The following ATP10A variants were observed in gnomAD, a reference collection of about 807,000 sequenced individuals.
ATP10A encodes the protein ATPase phospholipid transporting 10A (putative), also known as phospholipid-transporting ATPase VA.
In ATP10A, 111 loss-of-function variants were observed where a neutral mutation model predicts 147.8. The ratio of observed to expected loss-of-function variants is 0.75; its 90% CI spans 0.64 to 0.88. The LOEUF (loss-of-function observed/expected upper bound fraction) is 0.88, where lower values mean the gene tolerates loss of function less well. Among genes scored for constraint, ATP10A ranks in the 40% least tolerant of loss-of-function variants. The pLI is 0.00. For missense variants in ATP10A, 1,927 were observed against 1,959.0 expected, an observed-to-expected ratio of 0.98 and a Z score of 0.31; for synonymous variants, 875 against 841.6, an observed-to-expected ratio of 1.04 and a Z score of -0.69.
intron 2 of ATP10A, among the ~76,000 whole-genome samples, chr15:25,777,397 C>G (rs891085218): frequency 1.3e-5 from 2 of 152,224 alleles, no homozygotes; most frequent in Admixed American, 6.5e-5. Context: ...ATGCTTGGCA[C>G]CTCCCTGGCA....
At chr15:25,728,376 T>C (rs114065365) in intron 3 of ATP10A, among the ~76,000 whole-genome samples, 3 of 152,158 alleles carry the variant, frequency 2.0e-5, no homozygotes, top group Admixed American at 1.3e-4. Flanking sequence ...GCAGACACAG[T>C]GGGGCCACTC....
Position 25,863,258 on chromosome 15 carries a change from C to A in ATP10A, c.-162G>T. ...CGCCGCCTGGCCGGCCCAGCGCGCC[C>A]AGCCCGCGCCCAGCCCCGTCCACTC... is the stretch of plus-strand genomic sequence containing the variant. On this transcript the variant is annotated 5_prime_UTR_variant, in exon 1 of 21. Transcript: ENST00000555815. 1 of 313,854 alleles carries A rather than the reference C, an allele frequency of 3.2e-6. No homozygotes were observed. The highest frequency in any genetic ancestry group is 4.7e-6 in the Non-Finnish European group (1 of 211,054). The allele number at this position is 313,854 out of a possible 1,614,324, so 19.4% of individuals were successfully genotyped here.
chr15:25,718,350 C>A lies in ATP10A; in HGVS notation c.1413G>T (p.Val471=). 6.2e-7 allele frequency: 1 copy of A among 1,609,924 alleles called. No homozygotes were observed. The highest frequency in any genetic ancestry group is 8.5e-7 in the Non-Finnish European group (1 of 1,179,426). Residue 471 remains valine, a synonymous_variant, in exon 8 of 21, where the codon GTG becomes GTT. Transcript: ENST00000555815. The part of the protein sequence containing the change: ...YQEADSEEEE[V]VPRGGSVSQR... Reference sequence around the variant, plus strand: ...GGGACACCGAGCCCCCTCTGGGCACCACCTCCTCCTCCTCCGAGTCTGCCT... The same window carrying A: ...GGGACACCGAGCCCCCTCTGGGCACAACCTCCTCCTCCTCCGAGTCTGCCT...
chr15:25,812,643 A>G (rs1003870964), intron 1 of ATP10A, among the ~76,000 whole-genome samples: 5 of 152,142 alleles, frequency 3.3e-5, no homozygotes, highest in African/African-American at 7.2e-5. Flanking sequence ...AAAACAAGCT[A>G]TTTTTGTTGT....
intron 2 of ATP10A, among the ~76,000 whole-genome samples, chr15:25,752,437 C>T (rs570265986): frequency 1.3e-5 from 2 of 152,272 alleles, no homozygotes; most frequent in South Asian, 4.1e-4. Context: ...TATGTGGAAT[C>T]TAAAGCAACC....
chr15:25,721,644 C>A lies in ATP10A; in HGVS notation c.1363+13G>T, dbSNP rs373248521. On this transcript the variant is annotated intron_variant, in intron 7 of 20. Coordinates refer to ENST00000555815, the MANE Select transcript of ATP10A (RefSeq NM_024490.4). ...TTCAGCCTGGGTTGGGAGCCCCGCA[C>A]CCCCAGACTCACCATTTGCATCATG... 14 of 1,609,264 alleles carry A rather than the reference C, an allele frequency of 8.7e-6. No individual in the cohort carries two copies. Among genetic ancestry groups the A allele is most frequent in the African/African-American group, 4.0e-5 (3 of 74,796 alleles).
At chr15:25,786,306 C>T (rs573999452) in intron 1 of ATP10A, among the ~76,000 whole-genome samples, 5 of 152,274 alleles carry the variant, frequency 3.3e-5, no homozygotes, top group East Asian at 3.9e-4. Flanking sequence ...CTCCCACGGC[C>T]GAGTGAACAC....
At chr15:25,764,899 G>A (rs1209142671) in intron 2 of ATP10A, among the ~76,000 whole-genome samples, 1 of 152,184 alleles carries the variant, frequency 6.6e-6, no homozygotes, top group East Asian at 1.9e-4. Context: ...CCATGACTGG[G>A]TTCAGGAAAT....
chr15:25,752,734 C>A (rs139275162), intron 2 of ATP10A, among the ~76,000 whole-genome samples: 46 of 152,264 alleles, frequency 3.0e-4, no homozygotes, highest in Non-Finnish European at 6.3e-4. Flanking sequence ...CGCATTGTAT[C>A]AGTAGACTGC....
intron 1 of ATP10A, among the ~76,000 whole-genome samples, chr15:25,856,926 T>C (rs149063504): frequency 9.9e-4 from 151 of 152,052 alleles, no homozygotes; most frequent in African/African-American, 3.5e-3. Flanking sequence ...GAAAACCCCA[T>C]AGGACAAATA....
At chr15:25,766,922 A>AAAC (rs1280074621) in intron 2 of ATP10A, among the ~76,000 whole-genome samples, 1 of 149,926 alleles carries the variant, frequency 6.7e-6, no homozygotes, top group African/African-American at 2.5e-5. Context: ...AAAAAAAAAA[A>AAAC]CTTTAATGGG....
chr15:25,688,027 AC>A, intron 15 of ATP10A, 199 bp from the exon 16 acceptor site: 1 of 657,814 alleles, frequency 1.5e-6, no homozygotes. Flanking sequence ...ATCTCACCCA[AC>A]ACGCTAGTTC....
chr15:25,851,508 T>C (rs1040181260), intron 1 of ATP10A, among the ~76,000 whole-genome samples: 2 of 152,214 alleles, frequency 1.3e-5, no homozygotes, highest in Non-Finnish European at 2.9e-5. Flanking sequence ...TCCAATTTCA[T>C]TTACAATATA....
intron 1 of ATP10A, among the ~76,000 whole-genome samples, chr15:25,859,024 T>TG (rs1893639019): frequency 6.6e-6 from 1 of 152,124 alleles, no homozygotes; most frequent in East Asian, 1.9e-4. Context: ...TCTGCTGATT[T>TG]AAGGTTTCCC....
chr15:25,742,178 A>T (rs1887615394), intron 2 of ATP10A, among the ~76,000 whole-genome samples: 3 of 152,142 alleles, frequency 2.0e-5, no homozygotes, highest in Non-Finnish European at 4.4e-5. Flanking sequence ...TCCCTGCCTG[A>T]CGTGGTTCTC....
intron 1 of ATP10A, among the ~76,000 whole-genome samples, chr15:25,783,283 AC>A (rs954026714): frequency 6.6e-6 from 1 of 151,722 alleles, no homozygotes; most frequent in Non-Finnish European, 1.5e-5. Context: ...CCCATCCTAC[AC>A]CCCCCATAAA....
chr15:25,781,545 C>T (rs1366962054), intron 1 of ATP10A, among the ~76,000 whole-genome samples: 2 of 151,860 alleles, frequency 1.3e-5, no homozygotes, highest in African/African-American at 4.8e-5. Flanking sequence ...GTCCCAGCTA[C>T]TTGGGAGGCT....
intron 1 of ATP10A, among the ~76,000 whole-genome samples, chr15:25,826,730 G>C (rs1892129846): frequency 1.3e-5 from 2 of 152,126 alleles, no homozygotes; most frequent in Admixed American, 6.5e-5. Context: ...AGGAGGCAGA[G>C]GCTGCAGTGG....
At chr15:25,738,789 C>T (rs1015914299) in intron 2 of ATP10A, among the ~76,000 whole-genome samples, 1 of 152,182 alleles carries the variant, frequency 6.6e-6, no homozygotes, top group Admixed American at 6.5e-5. Context: ...TTTGGGGAGG[C>T]TTGCCAAATG....
Sources: allele counts gnomAD v4.1 joint callset (sites outside exome capture counted in the v4.1 genomes callset), GRCh38; gene constraint gnomAD v4.1.1; transcripts MANE v1.5; gene names NCBI Gene and HGNC (gene_info 2026-07-23, HGNC 2026-07-21).